The following MAP3K13 variants were observed in gnomAD, a reference collection of about 807,000 sequenced individuals.
The protein encoded by MAP3K13 is mitogen-activated protein kinase kinase kinase 13.
MAP3K13 carries 52 observed loss-of-function variants against 104.0 expected under a neutral mutation model. The observed-to-expected ratio is 0.50, with a 90% CI of 0.40 to 0.63. The LOEUF (loss-of-function observed/expected upper bound fraction) is 0.63, where lower values mean the gene tolerates loss of function less well. MAP3K13 is among the 20% of genes least tolerant of loss of function. MAP3K13 has a pLI of 0.00. For synonymous variants in MAP3K13, 394 were observed against 442.2 expected (o/e 0.89, Z 1.37); for missense variants, 914 against 1,218.5 (o/e 0.75, Z 3.72).
At chr3:185,435,169 A>AT (rs35103398) in intron 2 of MAP3K13, among the ~76,000 whole-genome samples, 50,659 of 140,858 alleles carry the variant, frequency 0.36, 9,079 homozygotes, top group East Asian at 0.55. Context: ...ATGCCTGGCT[A>AT]TTTTTTTTTT....
intron 2 of MAP3K13, among the ~76,000 whole-genome samples, chr3:185,329,655 T>C (rs990712387): frequency 7.9e-5 from 12 of 152,218 alleles, no homozygotes; most frequent in Non-Finnish European, 1.6e-4. Context: ...GTTTCATATA[T>C]GAAATTAGAG....
intron 2 of MAP3K13, among the ~76,000 whole-genome samples, chr3:185,318,797 G>A (rs943445635): frequency 3.9e-5 from 6 of 152,076 alleles, no homozygotes; most frequent in African/African-American, 7.2e-5. Context: ...ATTAAATGTT[G>A]AGTAGATACA....
chr3:185,325,443 T>C (rs1722012794), intron 2 of MAP3K13, among the ~76,000 whole-genome samples: 1 of 152,214 alleles, frequency 6.6e-6, no homozygotes, highest in South Asian at 2.1e-4. Flanking sequence ...GGGTTCTTTC[T>C]GAGGGGCCAC....
intron 1 of MAP3K13, among the ~76,000 whole-genome samples, chr3:185,425,756 G>A (rs932743536): frequency 6.6e-6 from 1 of 152,130 alleles, no homozygotes; most frequent in Non-Finnish European, 1.5e-5. Flanking sequence ...TACCTGGAAT[G>A]CCTAGTCTTT....
chr3:185,457,552 G>A (rs561695838), intron 7 of MAP3K13, among the ~76,000 whole-genome samples: 2 of 152,284 alleles, frequency 1.3e-5, no homozygotes, highest in African/African-American at 4.8e-5. Flanking sequence ...TCTCATTCAT[G>A]AGGGCTCTGC....
At chr3:185,377,639 C>A (rs971162894) in intron 1 of MAP3K13, among the ~76,000 whole-genome samples, 2 of 152,156 alleles carry the variant, frequency 1.3e-5, no homozygotes, top group Admixed American at 1.3e-4. Context: ...ATACCCACAA[C>A]AGTTATGGAG....
chr3:185,382,422 T>A (rs573819025), intron 1 of MAP3K13, among the ~76,000 whole-genome samples: 4 of 152,312 alleles, frequency 2.6e-5, no homozygotes, highest in South Asian at 4.1e-4. Context: ...CTGTATATGA[T>A]GTAGTGATAA....
At chr3:185,287,394 A>G (rs1421286405) in intron 2 of MAP3K13, among the ~76,000 whole-genome samples, 1 of 152,220 alleles carries the variant, frequency 6.6e-6, no homozygotes, top group East Asian at 1.9e-4. Context: ...TTCTGTTAGT[A>G]AAATCAGCAA....
Position 185,395,593 on chromosome 3 carries a change from C to T in MAP3K13, c.-86+32225C>T, listed in dbSNP as rs1161711832. ...CGGGATGGTCTCGATCTCCTGACCT[C>T]GTGATCCGCCCGCCTCGGCCTCCCA... On this transcript the variant is annotated intron_variant, in intron 1 of 13. Transcript: ENST00000265026. 1.3e-4 allele frequency among the ~76,000 whole-genome samples: 19 copies of T among 150,782 alleles called. 1 individual carries two copies. The East Asian group carries it at 3.1e-3, about 25-fold the overall frequency.
At chr3:185,347,135 C>T (rs1722958836) in intron 2 of MAP3K13, among the ~76,000 whole-genome samples, 1 of 151,830 alleles carries the variant, frequency 6.6e-6, no homozygotes, top group Admixed American at 6.6e-5. Flanking sequence ...TACAGGTGTG[C>T]ACTACCACAC....
intron 3 of MAP3K13, among the ~76,000 whole-genome samples, chr3:185,442,659 G>A (rs954630948): frequency 3.3e-5 from 5 of 150,730 alleles, no homozygotes; most frequent in African/African-American, 4.9e-5. Flanking sequence ...TCAGCCTCCC[G>A]AGTAGCTGGC....
chr3:185,453,655 G>C (rs1418586157), intron 7 of MAP3K13, among the ~76,000 whole-genome samples: 1 of 151,420 alleles, frequency 6.6e-6, no homozygotes, highest in Non-Finnish European at 1.5e-5. Context: ...TGTAGTCCCA[G>C]CTACTCAGGA....
chr3:185,455,234 A>ATATATATGAGATATATATATGATATATAT (rs1471888496), intron 7 of MAP3K13, among the ~76,000 whole-genome samples: 5 of 75,110 alleles, frequency 6.7e-5, no homozygotes, highest in Non-Finnish European at 1.1e-4. Context: ...GATATATATG[A>ATATATATGAGATATATATATGATATATAT]GATATATATA....
chr3:185,358,995 G>A (rs1723490686), upstream of MAP3K13, among the ~76,000 whole-genome samples: 1 of 152,056 alleles, frequency 6.6e-6, no homozygotes. Flanking sequence ...TTGGAAGTTG[G>A]GTCACTAATA....
intron 2 of MAP3K13, among the ~76,000 whole-genome samples, chr3:185,340,594 A>T (rs1354990896): frequency 1.3e-5 from 2 of 152,172 alleles, no homozygotes; most frequent in Admixed American, 6.5e-5. Context: ...TTTAGAGCCC[A>T]TCTGATATGG....
chr3:185,488,366 C>T lies in MAP3K13; in HGVS notation c.*5910C>T, dbSNP rs1577645127. ...AGAATCATATTAATCTGCTTGTTTG[C>T]ATGTTACAACTGATACTGCAAAAGC... On this transcript the variant is annotated 3_prime_UTR_variant, in exon 14 of 14. Coordinates refer to ENST00000265026, the MANE Select transcript of MAP3K13 (RefSeq NM_004721.5). 1 of 152,278 alleles carries T rather than the reference C, an allele frequency of 6.6e-6. No homozygotes were observed. The highest frequency in any genetic ancestry group is 2.4e-5 in the African/African-American group (1 of 41,554). The allele number at this position is 152,278 out of a possible 1,614,324, so 9.4% of individuals were successfully genotyped here. A position where few individuals can be genotyped will look rare whatever the true frequency, so the allele number is the denominator to read the frequency against.
At chr3:185,416,574 A>G (rs1422140572) in intron 1 of MAP3K13, among the ~76,000 whole-genome samples, 1 of 152,072 alleles carries the variant, frequency 6.6e-6, no homozygotes, top group Non-Finnish European at 1.5e-5. Flanking sequence ...TATTGCTCTC[A>G]ATATGATGAA....
At chr3:185,291,630 T>C in intron 2 of MAP3K13, 1 of 1,529,306 alleles carries the variant, frequency 6.5e-7, no homozygotes, top group Non-Finnish European at 8.7e-7. Flanking sequence ...TACCACGTTT[T>C]TGAAGACCAT....
intron 1 of MAP3K13, chr3:185,285,322 A>C (rs2108665845): frequency 4.0e-6 from 1 of 252,308 alleles, no homozygotes; most frequent in South Asian, 1.1e-4. Context: ...GATTTATGTT[A>C]ATATTATTGT....
Sources: gnomAD v4.1 joint callset for allele counts (sites outside exome capture counted in the v4.1 genomes callset) on GRCh38, gnomAD v4.1.1 for gene constraint, MANE v1.5 for transcripts, NCBI Gene and HGNC (gene_info 2026-07-23, HGNC 2026-07-21) for gene names.